Variants in RPL3L observed in about 807,000 individuals in gnomAD.
RPL3L encodes ribosomal protein uL3-like.
RPL3L carries 44 observed loss-of-function variants against 44.5 expected under a neutral mutation model. The ratio of observed to expected loss-of-function variants is 0.99; its 90% confidence interval spans 0.78 to 1.27. The LOEUF is 1.27. Ranked by LOEUF, RPL3L falls within the 50% of genes most tolerant of loss-of-function variation. The probability of loss-of-function intolerance (pLI) is 0.00; values close to 1 mark genes in which losing one functional copy is unlikely to be tolerated. For missense variants in RPL3L, 631 were observed against 569.1 expected (o/e 1.11, Z -1.11); for synonymous variants, 292 against 230.7 (o/e 1.27, Z -2.41).
chr16:1,950,079 C>G (rs867795877), intron 4 of RPL3L, among the ~76,000 whole-genome samples: 3 of 58,222 alleles, frequency 5.2e-5, no homozygotes, highest in Admixed American at 2.1e-4. Flanking sequence ...CAGGTATGGA[C>G]GGGGCAGGTA....
Position 1,944,548 on chromosome 16 carries a change from A to C in RPL3L, c.*289T>G. The C allele has an allele frequency of 3.5e-6, 1 of 286,008 alleles. No homozygotes were observed. Among genetic ancestry groups the C allele is most frequent in the Non-Finnish European group, 6.7e-6 (1 of 149,726 alleles). 17.7% of individuals were successfully genotyped at this position (286,008 alleles called of 1,614,324 possible). ...CGACAAGATCAAGACTCTCTCAAAA[A>C]AAAAAAAAAAAAAAACCTCTGCTCC... is the stretch of plus-strand genomic sequence containing the variant. On this transcript the variant is annotated 3_prime_UTR_variant, in exon 10 of 10. Transcript: ENST00000268661.
chr16:1,946,946 T>G lies in RPL3L; in HGVS notation c.841A>C (p.Asn281His), dbSNP rs778718587. The change falls in exon 6 of 10, where the codon AAC becomes CAC. Residue 281 changes from asparagine (N) to histidine (H), a missense_variant. Transcript: ENST00000268661. ...QKGYHHRTEL[N>H]KKIFRIGRGP... Reference sequence around the variant, plus strand: ...CCCGGCTGAGGACGCACCTTCTTGTTGAGCTCCGTGCGGTGGTGATAGCCC... The same window carrying G: ...CCCGGCTGAGGACGCACCTTCTTGTGGAGCTCCGTGCGGTGGTGATAGCCC... 2 of 1,601,484 alleles carry G rather than the reference T, an allele frequency of 1.2e-6. No individual in the cohort carries two copies. The highest frequency in any genetic ancestry group is 2.2e-5 in the East Asian group (1 of 44,660).
intron 4 of RPL3L, among the ~76,000 whole-genome samples, chr16:1,949,244 G>GTTTTTTTGTTTTTTC (rs2083149813): frequency 7.3e-5 from 6 of 81,962 alleles, no homozygotes; most frequent in Non-Finnish European, 1.1e-4. Flanking sequence ...CCTGATTTTT[G>GTTTTTTTGTTTTTTC]TTTTTTTTTT....
intron 2 of RPL3L, 31 bp from the exon 3 acceptor site, chr16:1,953,073 G>T: frequency 3.2e-6 from 5 of 1,565,358 alleles, no homozygotes; most frequent in Non-Finnish European, 4.3e-6. Flanking sequence ...GGGCATGAAG[G>T]GGGACCTCCT....
At chr16:1,946,488 C>A in intron 7 of RPL3L, 137 bp downstream of exon 7, 3 of 871,482 alleles carry the variant, frequency 3.4e-6, no homozygotes, top group Non-Finnish European at 5.2e-6. Context: ...AAATCTTGAG[C>A]CCTTGGGGCA....
chr16:1,944,982 G>A (rs908289384), intron 9 of RPL3L, 89 bp from the exon 10 acceptor site: 48 of 1,522,448 alleles, frequency 3.2e-5, no homozygotes, highest in African/African-American at 2.9e-4. Context: ...ACTCAGGGCC[G>A]GCCCTACTGC....
chr16:1,950,713 G>C, intron 4 of RPL3L, 131 bp downstream of exon 4: 1 of 1,433,620 alleles, frequency 7.0e-7, no homozygotes, highest in Non-Finnish European at 9.6e-7. Context: ...CAGCGAGGCT[G>C]GTCAGCCGCT....
At chr16:1,953,789 C>T (rs1644148653) in intron 2 of RPL3L, among the ~76,000 whole-genome samples, 167 bp downstream of exon 2, 3 of 152,204 alleles carry the variant, frequency 2.0e-5, no homozygotes, top group African/African-American at 7.2e-5. Flanking sequence ...ATGACAGAAC[C>T]CGCCCGGAAG....
intron 4 of RPL3L, among the ~76,000 whole-genome samples, chr16:1,950,079 CGGGGCAGGTATGTAG>C (rs1310374886): frequency 3.4e-5 from 2 of 58,222 alleles, no homozygotes; most frequent in Non-Finnish European, 6.8e-5. Flanking sequence ...CAGGTATGGA[CGGGGCAGGTATGTAG>C]GGGGCAGGTA....
intron 4 of RPL3L, among the ~76,000 whole-genome samples, chr16:1,949,970 T>C (rs1188448719): frequency 2.0e-5 from 2 of 99,064 alleles, no homozygotes; most frequent in Non-Finnish European, 2.0e-5. Context: ...GGGGCAGGTA[T>C]GGACGGGGCA....
rs184860646 is a variant in RPL3L, at chr16:1,950,910, C to T, written c.435G>A (p.Gln145=). 5.6e-6 allele frequency: 9 copies of T among 1,614,062 alleles called. No individual in the cohort carries two copies. In the Admixed American group the frequency reaches 1.2e-4, roughly 21 times the overall value. The change falls in exon 4 of 10, where the codon CAG becomes CAA. Residue 145 remains glutamine (Q), a synonymous_variant. Coordinates refer to ENST00000268661, the MANE Select transcript of RPL3L (RefSeq NM_005061.3). ...KRWRDTDGKK[Q]LQKDFAAMKK... Reference sequence around the variant, plus strand: ...TCATGGCGGCGAAGTCCTTCTGTAGCTGCTTTTTCCCGTCTGTGTCCCGCC... The same window carrying T: ...TCATGGCGGCGAAGTCCTTCTGTAGTTGCTTTTTCCCGTCTGTGTCCCGCC...
chr16:1,945,359 AATAAAATAAAT>A (rs1166296925), intron 9 of RPL3L, 129 bp downstream of exon 9: 48 of 847,008 alleles, frequency 5.7e-5, no homozygotes, highest in African/African-American at 2.7e-4. Flanking sequence ...CATCTCAAAA[AATAAAATAAAT>A]AAAAAAAAAA....
In RPL3L at chr16:1,950,825, C is replaced by T. The variant is rs763293540; in HGVS notation, c.501+19G>A. The T allele has an allele frequency of 3.1e-6, 5 of 1,613,756 alleles. No homozygotes were observed. The highest frequency in any genetic ancestry group is 4.2e-6 in the Non-Finnish European group (5 of 1,179,862). On this transcript the variant is annotated intron_variant, in intron 4 of 9. Coordinates refer to ENST00000268661, the MANE Select transcript of RPL3L (RefSeq NM_005061.3). ...CGTGGTCCTAGGGACTGACCGACAG[C>T]GGAGGGCCGGGGGCTGACCTGAGTG...
Position 1,947,308 on chromosome 16 carries a change from C to T in RPL3L, c.574G>A (p.Glu192Lys), listed in dbSNP as rs200381331. The T allele has an allele frequency of 2.1e-4, 342 of 1,612,570 alleles. 4 individuals are homozygous for T. The highest frequency in any genetic ancestry group is 1.1e-3 in the South Asian group (104 of 91,056). ...EIQLNGGTVAEKVAWAQARLE... is the reference protein window; with the variant it reads ...EIQLNGGTVAKKVAWAQARLE... ...CGGGCCTGGGCCCAGGCCACCTTCT[C>T]GGCCACCGTGCCACCGTTCAGCTGG... Residue 192 changes from glutamate to lysine, a missense_variant, in exon 5 of 10, where the codon GAG becomes AAG. Physicochemically the swap from Glu to Lys is moderately conservative, Grantham distance 56. Coordinates refer to ENST00000268661, the MANE Select transcript of RPL3L (RefSeq NM_005061.3).
intron 9 of RPL3L, 88 bp from the exon 10 acceptor site, chr16:1,944,981 C>T (rs1400453139): frequency 1.6e-5 from 25 of 1,532,254 alleles, no homozygotes; most frequent in African/African-American, 2.9e-5. Context: ...CACTCAGGGC[C>T]GGCCCTACTG....
chr16:1,944,994 C>A, intron 9 of RPL3L, 101 bp from the exon 10 acceptor site: 1 of 1,443,530 alleles, frequency 6.9e-7, no homozygotes, highest in Non-Finnish European at 9.7e-7. Context: ...CCCTACTGCC[C>A]CCCTAAGGCT....
Position 1,947,358 on chromosome 16 carries a change from T to G in RPL3L, c.524A>C (p.Gln175Pro). ...HTQMKLLPFR[Q>P]KKAHIMEIQL... Reference sequence around the variant, plus strand: ...GATCTCCATGATGTGGGCCTTCTTCTGCCGGAAGGGCAGCAGTTTCATCTG... The same window carrying G: ...GATCTCCATGATGTGGGCCTTCTTCGGCCGGAAGGGCAGCAGTTTCATCTG... The change falls in exon 5 of 10, where the codon CAG (glutamine) becomes CCG (proline). Residue 175 changes from glutamine (Q) to proline (P), a missense_variant. Physicochemically the swap from Gln to Pro is moderately conservative, Grantham distance 76. Coordinates refer to ENST00000268661, the MANE Select transcript of RPL3L (RefSeq NM_005061.3). The G allele has an allele frequency of 6.3e-7, 1 of 1,593,608 alleles. No individual in the cohort carries two copies. Among genetic ancestry groups the G allele is most frequent in the Non-Finnish European group, 8.5e-7 (1 of 1,170,610 alleles).
chr16:1,945,127 G>A lies in RPL3L; in HGVS notation c.1168-234C>T, dbSNP rs192334595. The stretch of plus-strand genomic sequence containing the variant: ...TCCCAGCACTTTGGGAGGCCGAGGC[G>A]GTCGGATCATGAGGTCAGGAGATAG... On this transcript the variant is annotated intron_variant, in intron 9 of 9. Coordinates refer to ENST00000268661, the MANE Select transcript of RPL3L (RefSeq NM_005061.3). 2.2e-3 allele frequency among the ~76,000 whole-genome samples: 339 copies of A among 152,022 alleles called. 2 individuals carry two copies. Among genetic ancestry groups the A allele is most frequent in the African/African-American group, 7.6e-3 (313 of 41,434 alleles).
In RPL3L at chr16:1,945,590, G is replaced by A; in HGVS notation, c.1076C>T (p.Ala359Val). 1.2e-6 allele frequency: 2 copies of A among 1,613,920 alleles called. No homozygotes were observed. Among genetic ancestry groups the A allele is most frequent in the Non-Finnish European group, 1.7e-6 (2 of 1,179,984 alleles). ...KSLLVHHSRQ[A>V]VENIELKFID... Reference sequence around the variant, plus strand: ...GAACTTGAGCTCAATATTCTCCACGGCTTGGCGACTGTGATGCACCAGGAG... The same window carrying A: ...GAACTTGAGCTCAATATTCTCCACGACTTGGCGACTGTGATGCACCAGGAG... Residue 359 changes from alanine (A) to valine (V), a missense_variant, in exon 9 of 10, where the codon GCC (alanine) becomes GTC (valine). Ala to Val is a moderately conservative substitution (Grantham distance 64, BLOSUM62 0). Coordinates refer to ENST00000268661, the MANE Select transcript of RPL3L (RefSeq NM_005061.3).
Sources: gnomAD v4.1 joint callset for allele counts (sites outside exome capture counted in the v4.1 genomes callset) on GRCh38, gnomAD v4.1.1 for gene constraint, MANE v1.5 for transcripts, NCBI Gene and HGNC (gene_info 2026-07-23, HGNC 2026-07-21) for gene names.